DNAH17: variants seen among roughly 807,000 people sequenced by gnomAD.
DNAH17 encodes dynein axonemal heavy chain 17.
DNAH17 carries 376 observed loss-of-function variants against 485.6 expected under a neutral mutation model. That is an observed-to-expected ratio of 0.77 (90% CI 0.71 to 0.84). The LOEUF (loss-of-function observed/expected upper bound fraction) is 0.84, where lower values mean the gene tolerates loss of function less well. Among genes scored for constraint, DNAH17 ranks in the 40% least tolerant of loss-of-function variants. The pLI, the probability that DNAH17 is intolerant of heterozygous loss-of-function variation, is 0.00. For synonymous variants in DNAH17, 3,031 were observed against 2,405.9 expected, an observed-to-expected ratio of 1.26 and a Z score of -7.60; for missense variants, 6,370 against 5,839.3, an observed-to-expected ratio of 1.09 and a Z score of -2.96.
At chr17:78,535,965 A>AC (rs1416085170) in intron 19 of DNAH17, among the ~76,000 whole-genome samples, 1 of 152,062 alleles carries the variant, frequency 6.6e-6, no homozygotes, top group Admixed American at 6.6e-5. Flanking sequence ...CAAACACACC[A>AC]CCTCAAACCT....
intron 44 of DNAH17, 37 bp from the exon 45 acceptor site, chr17:78,486,543 G>A (rs977083100): frequency 6.4e-7 from 1 of 1,567,432 alleles, no homozygotes; most frequent in Non-Finnish European, 8.7e-7. Flanking sequence ...CACAGCCGCT[G>A]CTCTGGGTCT....
Position 78,574,856 on chromosome 17 carries a change from A to T in DNAH17, c.202T>A (p.Phe68Ile). The change falls in exon 2 of 81, where the codon TTC becomes ATC. Residue 68 changes from phenylalanine (F) to isoleucine (I), a missense_variant. Physicochemically the swap from Phe to Ile is conservative, Grantham distance 21 (BLOSUM62 0). Transcript: ENST00000389840. Reference sequence around the variant, plus strand: ...CCTTTGGACTTGAGGGACTGGGGGAAGCCCAGGCAGGGTATGATCATGCCG... The same window carrying T: ...CCTTTGGACTTGAGGGACTGGGGGATGCCCAGGCAGGGTATGATCATGCCG... ...AAGMIIPCLG[F>I]PQSLKSKGVY... 6.2e-7 allele frequency: 1 copy of T among 1,614,034 alleles called. No homozygotes were observed. Among genetic ancestry groups the T allele is most frequent in the Non-Finnish European group, 8.5e-7 (1 of 1,179,882 alleles).
At chr17:78,543,608 A>T in intron 17 of DNAH17, 1 of 544,184 alleles carries the variant, frequency 1.8e-6, no homozygotes, top group Admixed American at 3.1e-5. Context: ...TATTTTTAGT[A>T]AAGGCAGGGT....
rs768791501 is a variant in DNAH17, at chr17:78,526,953, T to C, written c.3551A>G (p.Gln1184Arg). The C allele has an allele frequency of 1.3e-5, 20 of 1,588,968 alleles. No homozygotes were observed. The South Asian group carries it at 2.2e-4, about 17-fold the overall frequency. The change falls in exon 23 of 81, where the codon CAG becomes CGG. Residue 1184 changes from glutamine (Q) to arginine (R), a missense_variant. By Grantham distance (43) the Gln-to-Arg change is conservative (BLOSUM62 1). Transcript: ENST00000389840. Reference protein sequence around the residue: ...HWANTKKLAIQVKLTVAPLQA... With the variant: ...HWANTKKLAIRVKLTVAPLQA... ...GAGTGGTGCCACGGTCAGCTTCACC[T>C]GAATGGCCAGTTTCTTGGTATTTGC...
chr17:78,561,170 C>T (rs960299466), intron 12 of DNAH17, among the ~76,000 whole-genome samples: 1 of 152,284 alleles, frequency 6.6e-6, no homozygotes, highest in South Asian at 2.1e-4. Flanking sequence ...CACGCAGCAA[C>T]TGGCTCCCGA....
chr17:78,498,189 A>C (rs1156488821), intron 37 of DNAH17, among the ~76,000 whole-genome samples: 3 of 143,906 alleles, frequency 2.1e-5, no homozygotes, highest in Non-Finnish European at 4.5e-5. Context: ...ATAAATAAAT[A>C]AATAAAGCAG....
In DNAH17 at chr17:78,524,951, C is replaced by T. The variant is rs943793783; in HGVS notation, c.3864+58G>A. 148 of 1,552,668 alleles carry T rather than the reference C, an allele frequency of 9.5e-5. 1 individual carries two copies. The highest frequency in any genetic ancestry group is 1.2e-4 in the Non-Finnish European group (137 of 1,144,918). ...TGCCCAGAGCCTGCCCTCTTGTTGC[C>T]GGGGGCAGCTCCCTGCAGAATCCCG... is the stretch of plus-strand genomic sequence containing the variant. On this transcript the variant is annotated intron_variant, in intron 25 of 80. Coordinates refer to ENST00000389840, the MANE Select transcript of DNAH17 (RefSeq NM_173628.4).
In DNAH17 at chr17:78,531,242, T is replaced by C. The variant is rs191241423; in HGVS notation, c.3115-730A>G. ...TGCTCTGGTGCTGGGCGCATAGATATGTAGAATTGTTAAATCCTCTCGCTG... is the reference window on the plus strand; with the variant it reads ...TGCTCTGGTGCTGGGCGCATAGATACGTAGAATTGTTAAATCCTCTCGCTG... On this transcript the variant is annotated intron_variant, in intron 20 of 80. Transcript: ENST00000389840. 2.6e-5 allele frequency among the ~76,000 whole-genome samples: 4 copies of C among 152,170 alleles called. No homozygotes were observed. In the South Asian group the frequency reaches 6.2e-4, roughly 24 times the overall value.
intron 31 of DNAH17, among the ~76,000 whole-genome samples, chr17:78,503,772 C>T (rs1390263608): frequency 6.6e-6 from 1 of 151,934 alleles, no homozygotes; most frequent in African/African-American, 2.4e-5. Context: ...TCAAAACCAG[C>T]CTGGCCAACA....
At chr17:78,484,739 A>ACCCCCCTGCCCCCCCCCCCCCCCCCCCCC in intron 48 of DNAH17, 129 bp downstream of exon 48, 1 of 347,798 alleles carries the variant, frequency 2.9e-6, no homozygotes, top group Non-Finnish European at 4.6e-6. Flanking sequence ...ACGTTGCAGC[A>ACCCCCCTGCCCCCCCCCCCCCCCCCCCCC]CCCCCCCCAC....
At chr17:78,501,544 G>A (rs948489585) in intron 34 of DNAH17, 198 bp downstream of exon 34, 19 of 969,146 alleles carry the variant, frequency 2.0e-5, no homozygotes, top group Non-Finnish European at 2.7e-5. Context: ...TCCAATGGGC[G>A]GGCACCGCTC....
At chr17:78,509,713 C>T (rs2090580856) in intron 27 of DNAH17, among the ~76,000 whole-genome samples, 2 of 152,100 alleles carry the variant, frequency 1.3e-5, no homozygotes, top group Admixed American at 6.6e-5. Context: ...CCAACCCTCC[C>T]GTCAGCTGCG....
intron 78 of DNAH17, 87 bp from the exon 79 acceptor site, chr17:78,426,687 CAG>C: frequency 6.6e-7 from 1 of 1,509,114 alleles, no homozygotes; most frequent in Non-Finnish European, 8.9e-7. Flanking sequence ...GTTGTCAACA[CAG>C]TGTGGCTTTG....
rs192850653 is a variant in DNAH17, at chr17:78,481,151, G to A, written c.7650-365C>T. 3.8e-3 allele frequency among the ~76,000 whole-genome samples: 531 copies of A among 139,248 alleles called. 1 individual carries two copies. The highest frequency in any genetic ancestry group is 0.013 in the African/African-American group (489 of 36,710). 91.4% of individuals were successfully genotyped at this position (139,248 alleles called of 152,430 possible). A position where few individuals can be genotyped will look rare whatever the true frequency, so the allele number is the denominator to read the frequency against. ...GGAGTCTCACTCAGTCACTCAGGCC[G>A]GAGTGCAGTGGCATGATCTTGGCTC... On this transcript the variant is annotated intron_variant, in intron 48 of 80. Coordinates refer to ENST00000389840, the MANE Select transcript of DNAH17 (RefSeq NM_173628.4).
intron 68 of DNAH17, chr17:78,449,796 C>G: frequency 1.8e-6 from 1 of 543,192 alleles, no homozygotes; most frequent in Non-Finnish European, 3.3e-6. Context: ...TCAAGCGATT[C>G]TCCTGCCTCA....
At chr17:78,427,154 C>G in intron 77 of DNAH17, 46 bp from the exon 78 acceptor site, 2 of 1,544,408 alleles carry the variant, frequency 1.3e-6, no homozygotes, top group East Asian at 2.4e-5. Context: ...AAAGAGCCCA[C>G]CCCACCCACT....
At position 78,428,963 on chromosome 17, in the gene DNAH17, C is replaced by T. The variant is rs898424623; in HGVS notation, c.12405+158G>A. On this transcript the variant is annotated intron_variant, in intron 76 of 80. Transcript: ENST00000389840. Reference sequence around the variant, plus strand: ...AAAAAAAAAGGTTGTTTGTATTAGCCTTGTGCTTCTTCCAAGTGAGACGCA... The same window carrying T: ...AAAAAAAAAGGTTGTTTGTATTAGCTTTGTGCTTCTTCCAAGTGAGACGCA... 4.7e-5 allele frequency among the ~76,000 whole-genome samples: 7 copies of T among 149,568 alleles called. No individual in the cohort carries two copies. In the Admixed American group the frequency reaches 4.7e-4, roughly 10 times the overall value.
intron 16 of DNAH17, among the ~76,000 whole-genome samples, chr17:78,549,032 C>T (rs1263179072): frequency 6.6e-6 from 1 of 152,208 alleles, no homozygotes; most frequent in Non-Finnish European, 1.5e-5. Flanking sequence ...ATTCTGTGAC[C>T]AGTTTAGTGA....
At chr17:78,570,807 G>T in intron 6 of DNAH17, 141 bp downstream of exon 6, 3 of 605,956 alleles carry the variant, frequency 5.0e-6, no homozygotes, top group Non-Finnish European at 8.0e-6. Flanking sequence ...GCAGTGAGCC[G>T]AGATCGCGCC....
Sources: allele counts gnomAD v4.1 joint callset (sites outside exome capture counted in the v4.1 genomes callset), GRCh38; gene constraint gnomAD v4.1.1; transcripts MANE v1.5; gene names NCBI Gene and HGNC (gene_info 2026-07-23, HGNC 2026-07-21).